Variants in TVP23A observed in about 807,000 individuals in gnomAD.
The protein encoded by TVP23A is Golgi apparatus membrane protein TVP23 homolog A.
In TVP23A, 21 loss-of-function variants were observed where a neutral mutation model predicts 31.7. The observed-to-expected ratio is 0.66, with a 90% CI of 0.47 to 0.95. The LOEUF is 0.95. Ranked by LOEUF, TVP23A falls within the 40% of genes least tolerant of loss-of-function variation. The probability of loss-of-function intolerance (pLI) is 0.00; values close to 1 mark genes in which losing one functional copy is unlikely to be tolerated. For missense variants in TVP23A, 279 were observed against 255.6 expected (o/e 1.09, Z -0.62); for synonymous variants, 104 against 96.0 (o/e 1.08, Z -0.49).
intron 2 of TVP23A, among the ~76,000 whole-genome samples, chr16:10,786,173 G>T (rs190717566): frequency 1.5e-3 from 223 of 152,276 alleles, no homozygotes; most frequent in South Asian, 3.5e-3. Context: ...TTCCCAGTTT[G>T]ACTTTTCCCT....
Position 10,774,934 on chromosome 16 carries a change from C to G in TVP23A, c.234+18G>C. 1 of 1,608,588 alleles carries G rather than the reference C, an allele frequency of 6.2e-7. No homozygotes were observed. The highest frequency in any genetic ancestry group is 1.7e-5 in the Admixed American group (1 of 59,554). ...CCTCGTGTTTCGGAAGTGATGACAT[C>G]ACACGAAAGGGCCTCACCTTCACAG... is the stretch of plus-strand genomic sequence containing the variant. On this transcript the variant is annotated intron_variant, in intron 3 of 7. Transcript: ENST00000299866.
At position 10,818,397 on chromosome 16, in the gene TVP23A, C is replaced by A; in HGVS notation, c.9+88G>T. On this transcript the variant is annotated intron_variant, in intron 1 of 7. Coordinates refer to ENST00000299866, the MANE Select transcript of TVP23A (RefSeq NM_001079512.4). This position sits in a 1 kb window ranked among gnomAD's most constrained non-coding sequence, Gnocchi z 4.7. ...AGCCCAGCCCCAGGCCCCGGCGCAT[C>A]CCTCCTCCTCCTCCCGGCTTCTCCA... is the stretch of plus-strand genomic sequence containing the variant. The A allele has an allele frequency of 1.3e-6, 2 of 1,544,166 alleles. No individual in the cohort carries two copies. Among genetic ancestry groups the A allele is most frequent in the Non-Finnish European group, 1.8e-6 (2 of 1,141,840 alleles).
At chr16:10,770,060 G>GC (rs2031449136) in intron 7 of TVP23A, among the ~76,000 whole-genome samples, 1 of 151,998 alleles carries the variant, frequency 6.6e-6, no homozygotes, top group Admixed American at 6.6e-5. Flanking sequence ...GTGTGACCTC[G>GC]CCCCCCGACC....
intron 2 of TVP23A, among the ~76,000 whole-genome samples, chr16:10,784,080 A>T (rs72785630): frequency 0.032 from 4,919 of 152,178 alleles, 104 homozygotes; most frequent in Admixed American, 0.046. Context: ...CCTGCCTACA[A>T]TCCCAGCACT....
At chr16:10,770,084 G>A (rs1378730648) in intron 7 of TVP23A, among the ~76,000 whole-genome samples, 188 bp downstream of exon 7, 1 of 152,000 alleles carries the variant, frequency 6.6e-6, no homozygotes, top group African/African-American at 2.4e-5. Flanking sequence ...AGCTCCTCAC[G>A]CCAAGAGCAA....
At chr16:10,773,563 G>C in intron 4 of TVP23A, 122 bp from the exon 5 acceptor site, 1 of 1,263,768 alleles carries the variant, frequency 7.9e-7, no homozygotes, top group South Asian at 1.5e-5. Flanking sequence ...TTTGTTGTTG[G>C]TGTTGTTTTG....
intron 2 of TVP23A, among the ~76,000 whole-genome samples, chr16:10,785,126 C>T (rs1287774057): frequency 1.4e-5 from 2 of 146,420 alleles, no homozygotes; most frequent in South Asian, 2.2e-4. Flanking sequence ...AGAGCCAGGC[C>T]GGGCATGGTG....
intron 2 of TVP23A, among the ~76,000 whole-genome samples, chr16:10,815,470 C>G (rs929591614): frequency 6.6e-6 from 1 of 152,158 alleles, no homozygotes; most frequent in Non-Finnish European, 1.5e-5. Flanking sequence ...CACTGGTATG[C>G]CTACTCCCAC....
chr16:10,763,729 G>C (rs1307932969), downstream of TVP23A: 2 of 155,124 alleles, frequency 1.3e-5, no homozygotes, highest in Non-Finnish European at 2.9e-5. Context: ...TGCCGAGATG[G>C]GATTGGTGGG....
At chr16:10,772,546 C>G (rs1286002012) in intron 5 of TVP23A, among the ~76,000 whole-genome samples, 1 of 152,076 alleles carries the variant, frequency 6.6e-6, no homozygotes, top group Non-Finnish European at 1.5e-5. Context: ...ATTTTGGTAT[C>G]TATAGTACAG....
chr16:10,768,648 C>G lies in TVP23A; in HGVS notation c.*454G>C, dbSNP rs1489715060. Reference sequence around the variant, plus strand: ...AAAATAAAAACTTTGTTGAGCCAGACCAAACCCACGTGCAGGCCACATTCA... The same window carrying G: ...AAAATAAAAACTTTGTTGAGCCAGAGCAAACCCACGTGCAGGCCACATTCA... On this transcript the variant is annotated 3_prime_UTR_variant, in exon 8 of 8. Transcript: ENST00000299866. This position sits in a 1 kb window ranked among gnomAD's most constrained non-coding sequence, Gnocchi z 4.3. 1 of 183,226 alleles carries G rather than the reference C, an allele frequency of 5.5e-6. No homozygotes were observed. The highest frequency in any genetic ancestry group is 2.4e-5 in the African/African-American group (1 of 42,530). The allele number at this position is 183,226 out of a possible 1,614,324, so 11.4% of individuals were successfully genotyped here. A position where few individuals can be genotyped will look rare whatever the true frequency, so the allele number is the denominator to read the frequency against.
chr16:10,778,315 C>G (rs2032202974), intron 2 of TVP23A, among the ~76,000 whole-genome samples: 2 of 105,852 alleles, frequency 1.9e-5, no homozygotes, highest in Admixed American at 1.9e-4. Context: ...GCTTGGGCAA[C>G]AGAGCAAATC....
intron 2 of TVP23A, among the ~76,000 whole-genome samples, chr16:10,782,674 T>C (rs1483678983): frequency 6.6e-6 from 1 of 152,136 alleles, no homozygotes; most frequent in African/African-American, 2.4e-5. Context: ...GGCTAATTTT[T>C]AAAATTTTTT....
At chr16:10,796,991 A>T (rs980516671) in intron 2 of TVP23A, among the ~76,000 whole-genome samples, 4 of 152,048 alleles carry the variant, frequency 2.6e-5, no homozygotes, top group African/African-American at 9.7e-5. Flanking sequence ...AGAATTCGAG[A>T]ACAGCCTGGG....
intron 2 of TVP23A, among the ~76,000 whole-genome samples, chr16:10,817,815 T>A (rs969636754): frequency 5.9e-5 from 9 of 152,204 alleles, no homozygotes; most frequent in Non-Finnish European, 1.2e-4. Context: ...CTAAGGCAAG[T>A]GGCCTTCTCT....
At chr16:10,758,430 G>T (rs1157450302), downstream of TVP23A, among the ~76,000 whole-genome samples, 2 of 152,174 alleles carry the variant, frequency 1.3e-5, no homozygotes, top group African/African-American at 4.8e-5. Flanking sequence ...CCATGATCAC[G>T]CCAGTGCAGT....
chr16:10,807,036 TTA>T (rs750768622), intron 2 of TVP23A, among the ~76,000 whole-genome samples: 23 of 152,314 alleles, frequency 1.5e-4, no homozygotes, highest in Non-Finnish European at 3.2e-4. Context: ...TGGGACCTGC[TTA>T]TGTGTCATAT....
intron 2 of TVP23A, among the ~76,000 whole-genome samples, chr16:10,808,897 C>G (rs560801765): frequency 6.6e-6 from 1 of 152,334 alleles, no homozygotes; most frequent in South Asian, 2.1e-4. Flanking sequence ...GACTTTCCTA[C>G]TTTGGGTGGA....
Position 10,780,539 on chromosome 16 carries a change from A to G in TVP23A, c.90-5443T>C, listed in dbSNP as rs141367894. Among the ~76,000 whole-genome samples the G allele has an allele frequency of 2.6e-4, 40 of 152,260 alleles. No individual in the cohort carries two copies. In the East Asian group the frequency reaches 7.3e-3, roughly 28 times the overall value. Reference sequence around the variant, plus strand: ...GCTGAGACAGCTGTTATGGAGGCCTATGTTAGTGAGAACTGGCCTGCCACC... The same window carrying G: ...GCTGAGACAGCTGTTATGGAGGCCTGTGTTAGTGAGAACTGGCCTGCCACC... On this transcript the variant is annotated intron_variant, in intron 2 of 7. Transcript: ENST00000299866.
Sources: gnomAD v4.1 joint callset for allele counts (sites outside exome capture counted in the v4.1 genomes callset) on GRCh38, gnomAD v4.1.1 for gene constraint, Gnocchi (gnomAD v3.1) non-coding constraint, MANE v1.5 for transcripts, NCBI Gene and HGNC (gene_info 2026-07-23, HGNC 2026-07-21) for gene names.